The following CYP4X1 variants were observed in gnomAD, a reference collection of about 807,000 sequenced individuals.
CYP4X1 encodes the protein cytochrome P450 family 4 subfamily X member 1.
Under a neutral mutation model 57.9 loss-of-function variants are expected in CYP4X1, and 44 were observed. That is an observed-to-expected ratio of 0.76 (90% CI 0.60 to 0.98). The LOEUF is 0.98. CYP4X1 is among the 50% of genes least tolerant of loss of function. CYP4X1 has a pLI of 0.00. For missense variants in CYP4X1, 532 were observed against 623.9 expected (o/e 0.85, Z 1.57); for synonymous variants, 227 against 228.6 (o/e 0.99, Z 0.06).
the CYP4X1 span, among the ~76,000 whole-genome samples, chr1:46,968,327 C>T: frequency 0.023 from 3,510 of 152,264 alleles, 120 homozygotes; most frequent in African/African-American, 0.08. Context: ...GTCCCTGCTT[C>T]CCCTTTCTCC....
At chr1:46,975,349 G>A in the CYP4X1 span, among the ~76,000 whole-genome samples, 6 of 152,266 alleles carry the variant, frequency 3.9e-5, no homozygotes, top group Admixed American at 3.9e-4. Context: ...CCTTTTGTAA[G>A]GCAGTTCTGG....
At chr1:47,000,327 A>G in the CYP4X1 span, among the ~76,000 whole-genome samples, 1 of 152,082 alleles carries the variant, frequency 6.6e-6, no homozygotes, top group African/African-American at 2.4e-5. Flanking sequence ...TTCTTTTGTT[A>G]TAAACAACTC....
At chr1:47,024,046 C>T (rs1411133325) in intron 1 of CYP4X1, 52 bp downstream of exon 1, 4 of 1,552,938 alleles carry the variant, frequency 2.6e-6, no homozygotes, top group Admixed American at 1.9e-5. Context: ...GAGGAGGATG[C>T]GGCAGAGGAG....
the CYP4X1 span, among the ~76,000 whole-genome samples, chr1:46,997,647 G>A: frequency 2.0e-5 from 3 of 152,248 alleles, no homozygotes; most frequent in African/African-American, 4.8e-5. Context: ...CTTTACTATT[G>A]TGAAGAGTGC....
At chr1:46,968,122 G>T in the CYP4X1 span, among the ~76,000 whole-genome samples, 3 of 152,110 alleles carry the variant, frequency 2.0e-5, no homozygotes, top group African/African-American at 7.2e-5. Flanking sequence ...GGAGTCAGAA[G>T]GGCACTAGAA....
chr1:47,000,362 A>T, the CYP4X1 span, among the ~76,000 whole-genome samples: 2 of 152,044 alleles, frequency 1.3e-5, no homozygotes, highest in African/African-American at 2.4e-5. Flanking sequence ...TCTTTTTAGC[A>T]GTGTGAAAAC....
the CYP4X1 span, among the ~76,000 whole-genome samples, chr1:46,994,066 C>A: frequency 6.6e-6 from 1 of 152,096 alleles, no homozygotes; most frequent in African/African-American, 2.4e-5. Context: ...GGTTTCAGGT[C>A]TAACATTTAA....
chr1:47,005,678 T>C, the CYP4X1 span, among the ~76,000 whole-genome samples: 5 of 152,334 alleles, frequency 3.3e-5, no homozygotes, highest in South Asian at 1.0e-3. Flanking sequence ...CAAGTTCAGG[T>C]AACTTAAGTA....
chr1:46,985,955 C>A, the CYP4X1 span, among the ~76,000 whole-genome samples: 1 of 152,146 alleles, frequency 6.6e-6, no homozygotes, highest in Non-Finnish European at 1.5e-5. Flanking sequence ...AATCAGAATG[C>A]CTCTTCCCCT....
At chr1:47,016,417 C>T in the CYP4X1 span, among the ~76,000 whole-genome samples, 1 of 151,896 alleles carries the variant, frequency 6.6e-6, no homozygotes, top group Non-Finnish European at 1.5e-5. Context: ...TCTTGGCTCC[C>T]CACAAGCTCC....
chr1:47,040,337 G>C (rs1414664160), intron 8 of CYP4X1, among the ~76,000 whole-genome samples: 4 of 152,116 alleles, frequency 2.6e-5, no homozygotes, highest in Non-Finnish European at 5.9e-5. Flanking sequence ...AGCATATACT[G>C]CTGTTAATAA....
chr1:47,024,544 A>G (rs1644041123), intron 1 of CYP4X1, among the ~76,000 whole-genome samples: 1 of 152,064 alleles, frequency 6.6e-6, no homozygotes, highest in South Asian at 2.1e-4. Context: ...CCGTTTTTTA[A>G]ATCCACTCCC....
the CYP4X1 span, among the ~76,000 whole-genome samples, chr1:46,986,553 G>T: frequency 1.3e-5 from 2 of 152,032 alleles, no homozygotes; most frequent in South Asian, 2.1e-4. Context: ...GATACTCCTC[G>T]AGAAGAGCAC....
Position 47,046,549 on chromosome 1 carries a change from AG to A in CYP4X1, c.1157del (p.Arg386LysfsTer44). On this transcript the variant is annotated frameshift_variant, in exon 9 of 12. Transcript: ENST00000371901. LOFTEE classifies it high-confidence loss of function. ...RLIPAVPSIS[R>X]DLSKPLTFPD... Reference sequence around the variant, plus strand: ...GATTCCTGCAGTCCCGTCCATTTCCAGAGATCTCAGCAAGCCACTTACCTTC... The same window carrying A: ...GATTCCTGCAGTCCCGTCCATTTCCAAGATCTCAGCAAGCCACTTACCTTC... The A allele has an allele frequency of 6.2e-7, 1 of 1,614,122 alleles. No homozygotes were observed. Among genetic ancestry groups the A allele is most frequent in the Admixed American group, 1.7e-5 (1 of 59,994 alleles).
the CYP4X1 span, among the ~76,000 whole-genome samples, chr1:46,997,097 A>G: frequency 6.6e-6 from 1 of 152,096 alleles, no homozygotes; most frequent in African/African-American, 2.4e-5. Context: ...GCAATCTTAC[A>G]TATCTTGTTT....
At chr1:47,039,911 C>A (rs918473254) in intron 8 of CYP4X1, among the ~76,000 whole-genome samples, 2 of 152,094 alleles carry the variant, frequency 1.3e-5, no homozygotes, top group Non-Finnish European at 2.9e-5. Flanking sequence ...TGATTAGCTG[C>A]ATTATTTAAG....
At chr1:47,011,390 T>C in the CYP4X1 span, among the ~76,000 whole-genome samples, 53 of 152,216 alleles carry the variant, frequency 3.5e-4, no homozygotes, top group Admixed American at 3.0e-3. Flanking sequence ...TTCCTTACAC[T>C]TTATACAAAA....
In CYP4X1 at chr1:47,046,498, A is replaced by G. The variant is rs916282190; in HGVS notation, c.1105A>G (p.Met369Val). 1.1e-5 allele frequency: 17 copies of G among 1,614,000 alleles called. No individual in the cohort carries two copies. The highest frequency in any genetic ancestry group is 1.7e-5 in the Admixed American group (1 of 59,968). The part of the protein sequence containing the change: ...DQLGEMSYTT[M>V]CIKETCRLIP... ...GCTGGGTGAGATGTCGTACACCACA[A>G]TGTGCATCAAGGAGACGTGCCGATT... The change falls in exon 9 of 12, where the codon ATG becomes GTG. Residue 369 changes from methionine (M) to valine (V), a missense_variant. Physicochemically the swap from Met to Val is conservative, Grantham distance 21. Transcript: ENST00000371901.
chr1:47,042,102 T>C (rs1644252808), intron 8 of CYP4X1, among the ~76,000 whole-genome samples: 1 of 152,112 alleles, frequency 6.6e-6, no homozygotes, highest in Non-Finnish European at 1.5e-5. Flanking sequence ...GTGGGTGTAT[T>C]TCTGGACTCT....
Sources: gnomAD v4.1 joint callset for allele counts (sites outside exome capture counted in the v4.1 genomes callset) on GRCh38, gnomAD v4.1.1 for gene constraint, MANE v1.5 for transcripts, NCBI Gene and HGNC (gene_info 2026-07-23, HGNC 2026-07-21) for gene names.